OR3A2: variants seen among roughly 807,000 people sequenced by gnomAD.
The protein encoded by OR3A2 is olfactory receptor 3A2.
For synonymous variants in OR3A2, 126 were observed against 159.3 expected, an observed-to-expected ratio of 0.79 and a Z score of 1.57; for missense variants, 318 against 392.8, an observed-to-expected ratio of 0.81 and a Z score of 1.61.
intron 2 of OR3A2, among the ~76,000 whole-genome samples, chr17:3,345,393 A>G (rs556598433): frequency 2.0e-5 from 3 of 150,394 alleles, no homozygotes; most frequent in Non-Finnish European, 4.4e-5. Flanking sequence ...GAGAGAGTAC[A>G]AGACCAAAAA....
upstream of OR3A2, among the ~76,000 whole-genome samples, chr17:3,287,124 G>C (rs1459365799): frequency 6.6e-6 from 1 of 152,162 alleles, no homozygotes; most frequent in South Asian, 2.1e-4. Context: ...CTAAACCCTG[G>C]AATCTACTTT....
chr17:3,335,376 T>C (rs1051188088), intron 3 of OR3A2, among the ~76,000 whole-genome samples: 2 of 152,174 alleles, frequency 1.3e-5, no homozygotes, highest in East Asian at 3.8e-4. Flanking sequence ...TAATCTAGCC[T>C]TTCTTTTGAT....
In OR3A2 at chr17:3,311,368, G is replaced by A. The variant is rs2049043212; in HGVS notation, c.-85+24665C>T. 1.9e-6 allele frequency: 1 copy of A among 526,268 alleles called. No homozygotes were observed. The highest frequency in any genetic ancestry group is 1.4e-5 in the South Asian group (1 of 71,126). The allele number at this position is 526,268 out of a possible 1,614,324, so 32.6% of individuals were successfully genotyped here. On this transcript the variant is annotated intron_variant, in intron 3 of 4. Transcript: ENST00000573491. The surrounding 1 kb of genome is among the most constrained non-coding windows in gnomAD (Gnocchi z 4.6). ...AGCCATGGCCTATGACCGCTACCTG[G>A]CTATCTGTCAGCTTCTCACCAACAG...
intron 2 of OR3A2, among the ~76,000 whole-genome samples, chr17:3,349,520 A>G (rs1285425275): frequency 2.0e-5 from 3 of 152,172 alleles, no homozygotes; most frequent in African/African-American, 7.2e-5. Flanking sequence ...AGGAGCACCC[A>G]AATTCATACA....
chr17:3,298,498 C>T (rs1165119333), intron 3 of OR3A2: 1 of 152,138 alleles, frequency 6.6e-6, no homozygotes, highest in East Asian at 1.9e-4. Context: ...CTACTCACTT[C>T]AGTAAAAAGA....
At position 3,355,813 on chromosome 17, in the gene OR3A2, A is replaced by G. The variant is rs998682101; in HGVS notation, c.-178-19687T>C. 2.4e-4 allele frequency among the ~76,000 whole-genome samples: 36 copies of G among 151,272 alleles called. 1 individual carries two copies. The highest frequency in any genetic ancestry group is 8.8e-4 in the African/African-American group (36 of 40,900). On this transcript the variant is annotated intron_variant, in intron 2 of 4. Transcript: ENST00000573491. ...TGGAGAGTTTAGTTCATTTATATTC[A>G]AAGTTATTATTAAGTAGGGACTTAC...
chr17:3,373,306 A>G (rs1454525338), intron 2 of OR3A2, among the ~76,000 whole-genome samples: 3 of 152,198 alleles, frequency 2.0e-5, no homozygotes, highest in Non-Finnish European at 1.5e-5. Flanking sequence ...ATATCCGTTA[A>G]GTCCAGTTGC....
intron 1 of OR3A2, among the ~76,000 whole-genome samples, chr17:3,385,053 G>C (rs2049766791): frequency 6.6e-6 from 1 of 152,156 alleles, no homozygotes; most frequent in Non-Finnish European, 1.5e-5. Context: ...AATTAGCCGG[G>C]CGTGGTGGCG....
chr17:3,313,946 G>A (rs761782363), intron 3 of OR3A2, among the ~76,000 whole-genome samples: 1 of 152,160 alleles, frequency 6.6e-6, no homozygotes, highest in Non-Finnish European at 1.5e-5. Flanking sequence ...CAGTGAAACT[G>A]CTAGATGTTT....
chr17:3,276,924 C>CTTTT (rs1309962550), downstream of OR3A2: 2 of 134,786 alleles, frequency 1.5e-5, no homozygotes, highest in Admixed American at 7.5e-5. Context: ...CAGCAGGATT[C>CTTTT]TTTTTTTTTT....
intron 2 of OR3A2, among the ~76,000 whole-genome samples, chr17:3,338,428 C>T (rs1463672995): frequency 1.3e-5 from 2 of 151,886 alleles, no homozygotes; most frequent in Admixed American, 6.6e-5. Flanking sequence ...GTCTTTAATC[C>T]ATCTTGAATT....
intron 3 of OR3A2, among the ~76,000 whole-genome samples, chr17:3,305,695 G>A (rs1173245903): frequency 1.3e-5 from 2 of 152,174 alleles, no homozygotes; most frequent in Non-Finnish European, 2.9e-5. Context: ...TATATTACAC[G>A]AAGCTCAAAT....
chr17:3,300,328 G>C (rs929691449), intron 3 of OR3A2, among the ~76,000 whole-genome samples: 10 of 152,184 alleles, frequency 6.6e-5, no homozygotes, highest in African/African-American at 2.4e-4. Context: ...GGAGGCCAAG[G>C]TGGGGGGATC....
At chr17:3,349,087 G>T (rs1006201174) in intron 2 of OR3A2, among the ~76,000 whole-genome samples, 1 of 152,250 alleles carries the variant, frequency 6.6e-6, no homozygotes, top group East Asian at 1.9e-4. Flanking sequence ...ATGCCAAAAT[G>T]TAAAGACCAT....
chr17:3,287,740 T>C (rs2048826570), upstream of OR3A2, among the ~76,000 whole-genome samples: 2 of 152,168 alleles, frequency 1.3e-5, no homozygotes, highest in Admixed American at 6.5e-5. Context: ...TTGGCGAGGC[T>C]TGAACTGCAA....
intron 3 of OR3A2, among the ~76,000 whole-genome samples, chr17:3,332,177 C>A (rs1435147439): frequency 6.6e-6 from 1 of 152,248 alleles, no homozygotes; most frequent in Non-Finnish European, 1.5e-5. Context: ...TGTCTGTGCC[C>A]TGCCCCCAGA....
chr17:3,348,081 T>C lies in OR3A2; in HGVS notation c.-178-11955A>G, dbSNP rs549017176. ...TCTGTTCACGTCCTTTGCCCACTTTTTGATGGGGTTGTTTGTTTTTTTCTT... is the reference window on the plus strand; with the variant it reads ...TCTGTTCACGTCCTTTGCCCACTTTCTGATGGGGTTGTTTGTTTTTTTCTT... On this transcript the variant is annotated intron_variant, in intron 2 of 4. Transcript: ENST00000573491. Among the ~76,000 whole-genome samples the C allele has an allele frequency of 1.5e-3, 230 of 152,294 alleles. 2 individuals are homozygous for C. Among genetic ancestry groups the C allele is most frequent in the Non-Finnish European group, 5.7e-4 (39 of 68,018 alleles).
intron 2 of OR3A2, among the ~76,000 whole-genome samples, chr17:3,342,732 G>C (rs1274309452): frequency 1.3e-5 from 2 of 152,228 alleles, no homozygotes; most frequent in Admixed American, 6.5e-5. Context: ...GGCTACCTGG[G>C]GGTCAGGGAC....
chr17:3,308,059 T>C (rs1390336856), intron 3 of OR3A2, among the ~76,000 whole-genome samples: 3 of 152,230 alleles, frequency 2.0e-5, no homozygotes, highest in Admixed American at 6.5e-5. Flanking sequence ...CTCAAAAATA[T>C]TTTTGTTAAA....
Sources: gnomAD v4.1 joint callset for allele counts (sites outside exome capture counted in the v4.1 genomes callset) on GRCh38, gnomAD v4.1.1 for gene constraint, Gnocchi (gnomAD v3.1) non-coding constraint, MANE v1.5 for transcripts, NCBI Gene and HGNC (gene_info 2026-07-23, HGNC 2026-07-21) for gene names.